Variants in KANK1 observed in about 807,000 individuals in gnomAD.
KANK1 encodes KN motif and ankyrin repeat domain-containing protein 1.
A neutral mutation model predicts 106.2 loss-of-function variants in KANK1; 109 were observed. The observed-to-expected ratio is 1.03, with a 90% CI of 0.88 to 1.20. The LOEUF (loss-of-function observed/expected upper bound fraction) is 1.20, where lower values mean the gene tolerates loss of function less well. Ranked by LOEUF, KANK1 falls within the 50% of genes most tolerant of loss-of-function variation. KANK1 has a pLI of 0.00. For missense variants in KANK1, 2,399 were observed against 1,710.7 expected (o/e 1.40, Z -7.10); for synonymous variants, 873 against 652.2 (o/e 1.34, Z -5.16).
intron 1 of KANK1, among the ~76,000 whole-genome samples, chr9:535,724 G>T (rs926925866): frequency 2.6e-5 from 4 of 152,172 alleles, no homozygotes; most frequent in African/African-American, 9.7e-5. Context: ...GTAGAATCAT[G>T]GTATTTGTGA....
chr9:588,257 A>G (rs1463114933), intron 1 of KANK1, among the ~76,000 whole-genome samples: 1 of 152,134 alleles, frequency 6.6e-6, no homozygotes, highest in African/African-American at 2.4e-5. Flanking sequence ...ACAGCATAGT[A>G]TTCAGTTATA....
chr9:708,327 T>C (rs1236771473), intron 2 of KANK1, among the ~76,000 whole-genome samples: 2 of 152,230 alleles, frequency 1.3e-5, no homozygotes, highest in Non-Finnish European at 2.9e-5. Flanking sequence ...CTTCTCCATG[T>C]GGAGATGAAA....
intron 2 of KANK1, among the ~76,000 whole-genome samples, chr9:704,059 TAA>T (rs1239275131): frequency 1.3e-5 from 2 of 152,198 alleles, no homozygotes; most frequent in East Asian, 1.9e-4. Flanking sequence ...ATTAATAATT[TAA>T]GTTTTATTGT....
intron 10 of KANK1, among the ~76,000 whole-genome samples, chr9:742,753 G>T (rs768449382): frequency 6.6e-6 from 1 of 152,096 alleles, no homozygotes; most frequent in South Asian, 2.1e-4. Flanking sequence ...CTTCTGACAG[G>T]TGCACTTGGA....
chr9:706,021 A>C (rs1589062212), intron 2 of KANK1, among the ~76,000 whole-genome samples: 1 of 152,166 alleles, frequency 6.6e-6, no homozygotes, highest in African/African-American at 2.4e-5. Flanking sequence ...ATAAGTGCCT[A>C]ATTTATGTTG....
At chr9:555,911 G>A (rs760714708) in intron 1 of KANK1, among the ~76,000 whole-genome samples, 3 of 152,190 alleles carry the variant, frequency 2.0e-5, no homozygotes, top group Non-Finnish European at 4.4e-5. Context: ...CCTTCATGAT[G>A]TTATAATAAC....
At chr9:666,525 C>T (rs796288000) in intron 1 of KANK1, among the ~76,000 whole-genome samples, 7 of 152,160 alleles carry the variant, frequency 4.6e-5, no homozygotes, top group African/African-American at 1.7e-4. Context: ...TGTTCCAGAT[C>T]TTAGTGGAAA....
intron 2 of KANK1, among the ~76,000 whole-genome samples, chr9:700,003 A>G (rs1181270800): frequency 6.6e-6 from 1 of 152,166 alleles, no homozygotes; most frequent in Non-Finnish European, 1.5e-5. Context: ...ATGAATACAT[A>G]CTTACCTACC....
intron 2 of KANK1, among the ~76,000 whole-genome samples, chr9:685,950 C>T (rs956749836): frequency 6.6e-6 from 1 of 152,164 alleles, no homozygotes; most frequent in African/African-American, 2.4e-5. Flanking sequence ...CATTTGCATC[C>T]ACTGTCCATT....
chr9:547,081 G>T (rs573093128), intron 1 of KANK1, among the ~76,000 whole-genome samples: 1 of 152,208 alleles, frequency 6.6e-6, no homozygotes, highest in African/African-American at 2.4e-5. Context: ...TGATGCGGAG[G>T]AGGAGAATTA....
chr9:605,452 G>A (rs1828864805), intron 1 of KANK1, among the ~76,000 whole-genome samples: 1 of 151,812 alleles, frequency 6.6e-6, no homozygotes, highest in Non-Finnish European at 1.5e-5. Flanking sequence ...GCTTCCTGGA[G>A]GAGAAAGTGC....
At chr9:699,809 C>A (rs971034033) in intron 2 of KANK1, among the ~76,000 whole-genome samples, 2 of 152,128 alleles carry the variant, frequency 1.3e-5, no homozygotes, top group African/African-American at 2.4e-5. Flanking sequence ...AGTGGGACCC[C>A]CATCTCTATA....
chr9:660,936 A>C (rs1249159911), intron 1 of KANK1, among the ~76,000 whole-genome samples: 1 of 152,202 alleles, frequency 6.6e-6, no homozygotes, highest in Non-Finnish European at 1.5e-5. Context: ...CCAGAATGTG[A>C]GACCAACCTT....
At chr9:592,455 T>C (rs1433020817) in intron 1 of KANK1, among the ~76,000 whole-genome samples, 2 of 147,302 alleles carry the variant, frequency 1.4e-5, no homozygotes, top group African/African-American at 5.2e-5. Context: ...ACAGCTGCTA[T>C]GACTCTTTCT....
chr9:615,600 C>G, intron 1 of KANK1, among the ~76,000 whole-genome samples: 1 of 152,092 alleles, frequency 6.6e-6, no homozygotes, highest in East Asian at 1.9e-4. Flanking sequence ...AGAGTCAGTC[C>G]CATAGTATAT....
intron 3 of KANK1, among the ~76,000 whole-genome samples, chr9:726,184 T>C (rs762310066): frequency 1.3e-5 from 2 of 149,518 alleles, no homozygotes; most frequent in Middle Eastern, 3.2e-3. Context: ...TTCAGATCAA[T>C]TCTGGTGTGC....
chr9:692,682 T>C (rs1448987008), intron 2 of KANK1, among the ~76,000 whole-genome samples: 1 of 150,264 alleles, frequency 6.7e-6, no homozygotes, highest in Non-Finnish European at 1.5e-5. Context: ...TGTTATCATT[T>C]ACTTTTGACA....
chr9:728,354 T>C (rs1020160189), intron 3 of KANK1, among the ~76,000 whole-genome samples: 8 of 152,262 alleles, frequency 5.3e-5, no homozygotes, highest in African/African-American at 1.7e-4. Context: ...CCCCCCACCA[T>C]GCGTGGCTAA....
At chr9:596,532 T>G (rs1257410095) in intron 1 of KANK1, among the ~76,000 whole-genome samples, 2 of 151,724 alleles carry the variant, frequency 1.3e-5, no homozygotes, top group African/African-American at 4.9e-5. Context: ...ACCCCTGGTT[T>G]TGAGTAGGTT....
Sources: allele counts gnomAD v4.1 joint callset (sites outside exome capture counted in the v4.1 genomes callset), GRCh38; gene constraint gnomAD v4.1.1; transcripts MANE v1.5; gene names NCBI Gene and HGNC (gene_info 2026-07-23, HGNC 2026-07-21).